The following ZNF341 variants were observed in gnomAD, a reference collection of about 807,000 sequenced individuals.
ZNF341 encodes zinc finger protein 341.
ZNF341 carries 52 observed loss-of-function variants against 87.7 expected under a neutral mutation model. That is an observed-to-expected ratio of 0.59 (90% CI 0.47 to 0.75). The LOEUF is 0.75. ZNF341 is among the 30% of genes least tolerant of loss of function. The pLI, the probability that ZNF341 is intolerant of heterozygous loss-of-function variation, is 0.00. For synonymous variants in ZNF341, 459 were observed against 472.7 expected (o/e 0.97, Z 0.38); for missense variants, 977 against 1,145.9 (o/e 0.85, Z 2.13).
chr20:33,734,308 A>C (rs1390929943), intron 1 of ZNF341, among the ~76,000 whole-genome samples: 2 of 152,072 alleles, frequency 1.3e-5, no homozygotes, highest in East Asian at 3.9e-4. Context: ...ATCAGTGTGG[A>C]GCTAACAAAA....
intron 5 of ZNF341, among the ~76,000 whole-genome samples, chr20:33,755,591 CTTTTTTTTTT>C (rs1004093201): frequency 8.5e-6 from 1 of 118,030 alleles, no homozygotes; most frequent in African/African-American, 3.2e-5. Context: ...GAGTTGAATT[CTTTTTTTTTT>C]TTTTTTTTTG....
intron 4 of ZNF341, chr20:33,752,110 C>CT (rs2019069434): frequency 3.2e-6 from 1 of 314,428 alleles, no homozygotes; most frequent in Non-Finnish European, 5.8e-6. Context: ...GCAAGCAAGC[C>CT]CCCCCCCCTT....
intron 10 of ZNF341, among the ~76,000 whole-genome samples, chr20:33,774,656 T>G (rs2019595297): frequency 6.6e-6 from 1 of 152,200 alleles, no homozygotes; most frequent in African/African-American, 2.4e-5. Context: ...GTTTTATCAC[T>G]TAAAACTTTT....
Position 33,766,932 on chromosome 20 carries a change from C to T in ZNF341, c.1304C>T (p.Ser435Phe). ...AGEEEGDKPE[S>F]KQVVLIDSSY... ...GAGGAAGAGGGGGACAAGCCGGAGT[C>T]CAAGCAGGTGGTCCTCATCGACAGC... Residue 435 changes from serine to phenylalanine, a missense_variant, in exon 9 of 15, where the codon TCC becomes TTC. Physicochemically the swap from Ser to Phe is radical, Grantham distance 155 (BLOSUM62 -2). Around this residue, in one of 3 missense-constraint regions of ZNF341, gnomAD observed 515 missense variants for 598.2 expected, o/e 0.86. Transcript: ENST00000375200. 1 of 1,614,184 alleles carries T rather than the reference C, an allele frequency of 6.2e-7. No homozygotes were observed. Among genetic ancestry groups the T allele is most frequent in the Non-Finnish European group, 8.5e-7 (1 of 1,180,036 alleles).
At chr20:33,774,618 C>T (rs1410812863) in intron 10 of ZNF341, among the ~76,000 whole-genome samples, 1 of 152,158 alleles carries the variant, frequency 6.6e-6, no homozygotes, top group Non-Finnish European at 1.5e-5. Flanking sequence ...AACAAACAGA[C>T]TGATTTAATG....
In ZNF341 at chr20:33,753,104, C is replaced by G; in HGVS notation, c.490-68C>G. ...CCACCTGGCTGGCTAAAGCAAATGTCCTTCCTTCCTGATAAATAAGACAAC... is the reference window on the plus strand; with the variant it reads ...CCACCTGGCTGGCTAAAGCAAATGTGCTTCCTTCCTGATAAATAAGACAAC... On this transcript the variant is annotated intron_variant, in intron 4 of 14. Transcript: ENST00000375200. 1.9e-6 allele frequency: 3 copies of G among 1,589,896 alleles called. No homozygotes were observed. The South Asian group carries it at 3.3e-5, about 18-fold the overall frequency.
At chr20:33,762,135 T>A in intron 8 of ZNF341, 80 bp downstream of exon 8, 1 of 1,382,450 alleles carries the variant, frequency 7.2e-7, no homozygotes, top group Non-Finnish European at 9.8e-7. Flanking sequence ...CTGTGTGACC[T>A]TGGGCAAACC....
At chr20:33,762,682 C>A (rs1441168463) in intron 8 of ZNF341, among the ~76,000 whole-genome samples, 1 of 152,068 alleles carries the variant, frequency 6.6e-6, no homozygotes, top group African/African-American at 2.4e-5. Context: ...CTCTCTCTCC[C>A]CTTGTCCCCA....
At chr20:33,771,434 C>T (rs569332122) in intron 10 of ZNF341, among the ~76,000 whole-genome samples, 11 of 151,400 alleles carry the variant, frequency 7.3e-5, no homozygotes, top group Non-Finnish European at 1.2e-4. Context: ...TTTGTAGAGA[C>T]GGGGTTTCGC....
Position 33,789,548 on chromosome 20 carries a change from C to G in ZNF341, c.1995C>G (p.Asn665Lys). 6.2e-7 allele frequency: 1 copy of G among 1,614,124 alleles called. No individual in the cohort carries two copies. Among genetic ancestry groups the G allele is most frequent in the South Asian group, 1.1e-5 (1 of 91,078 alleles). ...STHTGCSKEF[N>K]RPDKLKAHIL... Reference sequence around the variant, plus strand: ...ACACAGGCTGCAGTAAGGAGTTCAACCGGCCGGACAAGCTGAAGGCCCACA... The same window carrying G: ...ACACAGGCTGCAGTAAGGAGTTCAAGCGGCCGGACAAGCTGAAGGCCCACA... The change falls in exon 14 of 15, where the codon AAC (asparagine) becomes AAG (lysine). Residue 665 changes from asparagine (N) to lysine (K), a missense_variant. Physicochemically the swap from Asn to Lys is moderately conservative, Grantham distance 94. Transcript: ENST00000375200.
At chr20:33,734,127 A>C (rs1214945377) in intron 1 of ZNF341, among the ~76,000 whole-genome samples, 2 of 152,374 alleles carry the variant, frequency 1.3e-5, no homozygotes, top group East Asian at 3.9e-4. Flanking sequence ...GGGTGAAGAA[A>C]GGGCAGCAGG....
At chr20:33,780,728 TTAAA>T (rs569824877) in intron 10 of ZNF341, among the ~76,000 whole-genome samples, 10 of 151,146 alleles carry the variant, frequency 6.6e-5, no homozygotes, top group Non-Finnish European at 1.0e-4. Flanking sequence ...TTTTTCTTAT[TTAAA>T]TAGAGACAGG....
At chr20:33,781,946 C>A (rs974891580) in intron 11 of ZNF341, among the ~76,000 whole-genome samples, 1 of 151,958 alleles carries the variant, frequency 6.6e-6, no homozygotes, top group Admixed American at 6.6e-5. Context: ...TCCCAAAGTG[C>A]TGGGATTACA....
At chr20:33,754,370 G>A (rs2019129034) in intron 5 of ZNF341, among the ~76,000 whole-genome samples, 1 of 152,140 alleles carries the variant, frequency 6.6e-6, no homozygotes, top group African/African-American at 2.4e-5. Flanking sequence ...GTATGGTTAT[G>A]ACAGAAACAA....
chr20:33,769,958 A>G, intron 9 of ZNF341, 126 bp from the exon 10 acceptor site: 1 of 644,350 alleles, frequency 1.6e-6, no homozygotes, highest in Admixed American at 2.6e-5. Flanking sequence ...CAGTAGCAGC[A>G]GGGGGGCAGA....
In ZNF341 at chr20:33,749,896, G is replaced by T. The variant is rs556882056; in HGVS notation, c.489+824G>T. Among the ~76,000 whole-genome samples, 7 of 151,812 alleles carry T rather than the reference G, an allele frequency of 4.6e-5. No homozygotes were observed. In the South Asian group the frequency reaches 8.3e-4, roughly 18 times the overall value. ...ACCTCCTGAGTAGCTGGGATTACAG[G>T]TGTGCGCCACCACGCCCAGCTGATT... On this transcript the variant is annotated intron_variant, in intron 4 of 14. Transcript: ENST00000375200.
chr20:33,750,164 C>G (rs1413645777), intron 4 of ZNF341, among the ~76,000 whole-genome samples: 3 of 152,176 alleles, frequency 2.0e-5, no homozygotes, highest in Admixed American at 1.3e-4. Flanking sequence ...CCTTTGTTGT[C>G]CAGGCTGATC....
At chr20:33,758,927 T>G in intron 7 of ZNF341, 121 bp downstream of exon 7, 1 of 813,542 alleles carries the variant, frequency 1.2e-6, no homozygotes, top group Non-Finnish European at 2.0e-6. Context: ...CACTTGCATG[T>G]TCAGGCTGTA....
In ZNF341 at chr20:33,783,782, C is replaced by T. The variant is rs773584879; in HGVS notation, c.1770C>T (p.Ser590=). The change falls in exon 12 of 15, where the codon AGC becomes AGT. Residue 590 remains serine, a synonymous_variant. Coordinates refer to ENST00000375200, the MANE Select transcript of ZNF341 (RefSeq NM_001282933.2). The part of the protein sequence containing the change: ...YLRRHLPTHG[S]GGRFKCQVCK... ...GGCGTCATCTGCCCACCCACGGCAG[C>T]GGGGGCAGGTTCAAGTGCCAAGTGT... The T allele has an allele frequency of 1.8e-5, 29 of 1,613,646 alleles. No individual in the cohort carries two copies. Among genetic ancestry groups the T allele is most frequent in the East Asian group, 8.9e-5 (4 of 44,884 alleles).
Sources: allele counts gnomAD v4.1 joint callset (sites outside exome capture counted in the v4.1 genomes callset), GRCh38; gene constraint gnomAD v4.1.1; regional missense constraint gnomAD v4.1.1; transcripts MANE v1.5; gene names NCBI Gene and HGNC (gene_info 2026-07-23, HGNC 2026-07-21).